Variants in VTI1A observed in about 807,000 individuals in gnomAD.
VTI1A encodes vesicle transport through interaction with t-SNAREs homolog 1A.
VTI1A carries 22 observed loss-of-function variants against 34.9 expected under a neutral mutation model. The observed-to-expected ratio is 0.63, with a 90% confidence interval of 0.45 to 0.90. The LOEUF is 0.90. VTI1A is among the 40% of genes least tolerant of loss of function. VTI1A has a pLI of 0.00. For synonymous variants in VTI1A, 87 were observed against 97.3 expected (o/e 0.89, Z 0.62); for missense variants, 268 against 275.6 (o/e 0.97, Z 0.20).
chr10:112,681,367 C>G (rs1848212790), intron 7 of VTI1A, among the ~76,000 whole-genome samples: 1 of 152,196 alleles, frequency 6.6e-6, no homozygotes, highest in African/African-American at 2.4e-5. Flanking sequence ...AAGCATGAAC[C>G]ACTGTGCCCA....
At chr10:112,484,546 A>G (rs1848554496) in intron 3 of VTI1A, among the ~76,000 whole-genome samples, 1 of 152,152 alleles carries the variant, frequency 6.6e-6, no homozygotes, top group Admixed American at 6.5e-5. Flanking sequence ...TATATTTGTA[A>G]CCTGTATCAA....
At chr10:112,764,787 C>T (rs1393486956) in intron 7 of VTI1A, among the ~76,000 whole-genome samples, 5 of 152,106 alleles carry the variant, frequency 3.3e-5, no homozygotes, top group Non-Finnish European at 5.9e-5. Context: ...GTGTTGTCAG[C>T]GCACCACAAT....
chr10:112,647,936 A>G (rs1473582205), intron 5 of VTI1A, among the ~76,000 whole-genome samples: 1 of 151,842 alleles, frequency 6.6e-6, no homozygotes, highest in Non-Finnish European at 1.5e-5. Context: ...CACCCAGCTA[A>G]TTTTTCTATT....
intron 7 of VTI1A, among the ~76,000 whole-genome samples, chr10:112,733,139 A>G (rs1885281): frequency 0.11 from 16,800 of 152,216 alleles, 1,314 homozygotes; most frequent in East Asian, 0.27. Context: ...CAGCTCTGGA[A>G]TACAAGGCTT....
intron 5 of VTI1A, among the ~76,000 whole-genome samples, chr10:112,629,257 A>C (rs1390775823): frequency 1.3e-5 from 2 of 152,236 alleles, no homozygotes; most frequent in South Asian, 2.1e-4. Flanking sequence ...ATTCCTCCTT[A>C]GGGACAGGGC....
chr10:112,757,001 G>C (rs1255391813), intron 7 of VTI1A, among the ~76,000 whole-genome samples: 1 of 150,888 alleles, frequency 6.6e-6, no homozygotes, highest in East Asian at 2.0e-4. Context: ...AGCCGAAATT[G>C]CGCCACTGCA....
At chr10:112,457,329 C>A (rs1847569196) in intron 1 of VTI1A, among the ~76,000 whole-genome samples, 1 of 152,168 alleles carries the variant, frequency 6.6e-6, no homozygotes, top group African/African-American at 2.4e-5. Flanking sequence ...AACTTACTTT[C>A]ATTTTTTGAA....
chr10:112,713,695 TA>T (rs1315884786), intron 7 of VTI1A, among the ~76,000 whole-genome samples: 1 of 152,328 alleles, frequency 6.6e-6, no homozygotes, highest in East Asian at 1.9e-4. Flanking sequence ...AAAATCTGTT[TA>T]AAATCAGGCT....
chr10:112,741,890 C>G (rs1297818045), intron 7 of VTI1A, among the ~76,000 whole-genome samples: 1 of 152,122 alleles, frequency 6.6e-6, no homozygotes, highest in Admixed American at 6.5e-5. Flanking sequence ...AGTTGGCACC[C>G]AGCCATCAAA....
intron 3 of VTI1A, among the ~76,000 whole-genome samples, chr10:112,498,795 G>A (rs1223923334): frequency 2.0e-5 from 3 of 151,988 alleles, no homozygotes; most frequent in Non-Finnish European, 4.4e-5. Flanking sequence ...ATCATATTTA[G>A]ATGAACAATT....
intron 7 of VTI1A, among the ~76,000 whole-genome samples, chr10:112,681,217 G>A (rs1022490460): frequency 1.3e-5 from 2 of 151,636 alleles, no homozygotes; most frequent in Admixed American, 6.6e-5. Context: ...AAGTAGCTGC[G>A]ACTACAGGTC....
At chr10:112,764,259 CAGTGCCTGCGGTACT>C (rs1206488603) in intron 7 of VTI1A, among the ~76,000 whole-genome samples, 1 of 152,160 alleles carries the variant, frequency 6.6e-6, no homozygotes, top group Non-Finnish European at 1.5e-5. Flanking sequence ...TAACCCCAAT[CAGTGCCTGCGGTACT>C]TGATGTGTCG....
intron 7 of VTI1A, among the ~76,000 whole-genome samples, chr10:112,672,372 A>G (rs1210158472): frequency 1.3e-5 from 2 of 152,204 alleles, no homozygotes; most frequent in Admixed American, 1.3e-4. Flanking sequence ...GGTTCATTCA[A>G]AATTATAATA....
chr10:112,783,582 C>T (rs988507193), intron 7 of VTI1A, among the ~76,000 whole-genome samples: 11 of 152,320 alleles, frequency 7.2e-5, no homozygotes, highest in Middle Eastern at 6.8e-3. Flanking sequence ...GCATAGTTGC[C>T]GTGGCCTTTG....
Position 112,630,864 on chromosome 10 carries a change from GT to G in VTI1A, c.428-37353del, listed in dbSNP as rs537981840. Among the ~76,000 whole-genome samples the G allele has an allele frequency of 4.5e-3, 688 of 152,290 alleles. 3 individuals carry two copies. The highest frequency in any genetic ancestry group is 7.9e-3 in the Non-Finnish European group (539 of 68,012). On this transcript the variant is annotated intron_variant, in intron 5 of 7. Coordinates refer to ENST00000393077, the MANE Select transcript of VTI1A (RefSeq NM_145206.4). ...CAGCCAAGTGCGGTGGCTCATGCCT[GT>G]AATCCCAGCACTTTGGGAGGCTGAG... is the stretch of plus-strand genomic sequence containing the variant.
At chr10:112,639,530 A>T (rs1846486021) in intron 5 of VTI1A, among the ~76,000 whole-genome samples, 1 of 152,198 alleles carries the variant, frequency 6.6e-6, no homozygotes, top group Admixed American at 6.5e-5. Flanking sequence ...CACTAATGAA[A>T]TTCAGCAATC....
intron 7 of VTI1A, among the ~76,000 whole-genome samples, chr10:112,693,984 G>GGATC: frequency 6.6e-6 from 1 of 152,072 alleles, no homozygotes; most frequent in Non-Finnish European, 1.5e-5. Context: ...CAAGGTGGGC[G>GGATC]GATCACAAGG....
intron 3 of VTI1A, among the ~76,000 whole-genome samples, chr10:112,520,053 T>C (rs1203453585): frequency 1.3e-5 from 2 of 152,054 alleles, no homozygotes; most frequent in Non-Finnish European, 2.9e-5. Context: ...CATTTTCCAG[T>C]GGGGTGTATA....
chr10:112,743,809 T>A (rs1033626638), intron 7 of VTI1A, among the ~76,000 whole-genome samples: 4 of 152,182 alleles, frequency 2.6e-5, no homozygotes, highest in Non-Finnish European at 5.9e-5. Flanking sequence ...ACATTTTCAA[T>A]CAAATATTTT....
Sources: allele counts gnomAD v4.1 joint callset (sites outside exome capture counted in the v4.1 genomes callset), GRCh38; gene constraint gnomAD v4.1.1; transcripts MANE v1.5; gene names NCBI Gene and HGNC (gene_info 2026-07-23, HGNC 2026-07-21).